MTA1: variants seen among roughly 807,000 people sequenced by gnomAD.
MTA1 encodes metastasis-associated protein MTA1.
MTA1 carries 15 observed loss-of-function variants against 97.0 expected under a neutral mutation model. That is an observed-to-expected ratio of 0.15 (90% CI 0.10 to 0.24). The LOEUF (loss-of-function observed/expected upper bound fraction) is 0.24, where lower values mean the gene tolerates loss of function less well. MTA1 is among the 10% of genes least tolerant of loss of function. The pLI is 1.00. For synonymous variants in MTA1, 435 were observed against 417.5 expected, an observed-to-expected ratio of 1.04 and a Z score of -0.51; for missense variants, 709 against 1,015.1, an observed-to-expected ratio of 0.70 and a Z score of 4.10.
intron 1 of MTA1, among the ~76,000 whole-genome samples, chr14:105,423,365 C>T (rs949991238): frequency 7.2e-5 from 11 of 151,974 alleles, no homozygotes; most frequent in African/African-American, 1.9e-4. Context: ...ACTAGCCAGG[C>T]GCCACCAGGC....
intron 13 of MTA1, 27 bp downstream of exon 13, chr14:105,464,174 C>T: frequency 1.3e-6 from 2 of 1,590,266 alleles, no homozygotes; most frequent in Non-Finnish European, 1.7e-6. Context: ...GCCGGGGGCA[C>T]ACCGCACGCC....
Position 105,423,727 on chromosome 14 carries a change from G to A in MTA1, c.28+3664G>A, listed in dbSNP as rs184887951. 2.9e-3 allele frequency among the ~76,000 whole-genome samples: 443 copies of A among 152,358 alleles called. 3 individuals are homozygous for A. Among genetic ancestry groups the A allele is most frequent in the African/African-American group, 0.01 (420 of 41,588 alleles). On this transcript the variant is annotated intron_variant, in intron 1 of 20. Transcript: ENST00000331320. ...GGGCTTGGCATGTGCCATCATCTGC[G>A]CTCTGGCGCGCTGTTAGAAATGTTG...
intron 7 of MTA1, chr14:105,454,701 G>GTA: frequency 6.2e-6 from 1 of 162,108 alleles, no homozygotes; most frequent in South Asian, 1.7e-4. Context: ...CCGCCTCCCA[G>GTA]GTTCAAGCGA....
chr14:105,449,496 G>A (rs1167208548), intron 4 of MTA1, 87 bp downstream of exon 4: 1 of 1,455,038 alleles, frequency 6.9e-7, no homozygotes, highest in African/African-American at 1.4e-5. Flanking sequence ...CAGAGTTTGG[G>A]CGGGCCGCCT....
intron 1 of MTA1, among the ~76,000 whole-genome samples, chr14:105,429,733 G>T (rs186454548): frequency 1.4e-5 from 2 of 144,240 alleles, no homozygotes; most frequent in Non-Finnish European, 3.0e-5. Flanking sequence ...GATTACAGAC[G>T]TGAGCCACTG....
intron 2 of MTA1, among the ~76,000 whole-genome samples, chr14:105,443,081 G>A (rs181374635): frequency 2.0e-5 from 3 of 152,362 alleles, no homozygotes; most frequent in Admixed American, 6.5e-5. Context: ...GTGATCAGAT[G>A]TGGATGTAAC....
chr14:105,423,188 C>T (rs1205376252), intron 1 of MTA1, among the ~76,000 whole-genome samples: 1 of 151,538 alleles, frequency 6.6e-6, no homozygotes, highest in African/African-American at 2.4e-5. Context: ...GAGGTTAACA[C>T]CCCATCTTTT....
In MTA1 at chr14:105,458,285, G is replaced by A. The variant is rs782763379; in HGVS notation, c.566G>A (p.Arg189Gln). The A allele has an allele frequency of 1.1e-5, 17 of 1,612,478 alleles. No homozygotes were observed. Among genetic ancestry groups the A allele is most frequent in the South Asian group, 9.9e-5 (9 of 91,090 alleles). Residue 189 changes from arginine (R) to glutamine (Q), a missense_variant, in exon 8 of 21, where the codon CGA becomes CAA. Physicochemically the swap from Arg to Gln is conservative, Grantham distance 43. Coordinates refer to ENST00000331320, the MANE Select transcript of MTA1 (RefSeq NM_004689.4). ...DLLKEGEEDGRDQSRLETQVW... is the reference protein window; with the variant it reads ...DLLKEGEEDGQDQSRLETQVW... The stretch of plus-strand genomic sequence containing the variant: ...CTCCCTGTAGGCGAGGAGGATGGCC[G>A]AGACCAGTCCAGGTTGGAGACCCAG...
intron 13 of MTA1, 41 bp from the exon 14 acceptor site, chr14:105,464,375 C>T (rs951359392): frequency 1.9e-6 from 3 of 1,605,146 alleles, no homozygotes; most frequent in Non-Finnish European, 2.6e-6. Context: ...ATCGCTGGTT[C>T]TGCTTAAGAA....
intron 1 of MTA1, among the ~76,000 whole-genome samples, chr14:105,428,321 C>CA (rs1327136270): frequency 6.6e-6 from 1 of 152,104 alleles, no homozygotes; most frequent in African/African-American, 2.4e-5. Context: ...GATAAGGTCT[C>CA]AGTCTGTCAC....
At chr14:105,462,065 C>T (rs1266404062) in intron 10 of MTA1, among the ~76,000 whole-genome samples, 1 of 152,248 alleles carries the variant, frequency 6.6e-6, no homozygotes, top group Non-Finnish European at 1.5e-5. Context: ...TGATGCCTAG[C>T]GAGGCAGCGC....
intron 16 of MTA1, 60 bp from the exon 17 acceptor site, chr14:105,466,366 C>T: frequency 6.7e-7 from 1 of 1,492,316 alleles, no homozygotes; most frequent in Non-Finnish European, 9.2e-7. Context: ...GAGCCTGGGC[C>T]TGCCTGCCCC....
chr14:105,432,139 C>T (rs1275122706), intron 1 of MTA1, among the ~76,000 whole-genome samples: 1 of 152,242 alleles, frequency 6.6e-6, no homozygotes, highest in Admixed American at 6.5e-5. Context: ...GTGTGAGCCC[C>T]TGTGCCTGGC....
chr14:105,422,326 CGGGGAGGT>C lies in MTA1; in HGVS notation c.28+2267_28+2274del, dbSNP rs1159716101. ...TTGGCTTCCTGTCTTGGTGCTCGCT[CGGGGAGGT>C]GGGCGTCTGGATTCTTGAGCCCCCA... On this transcript the variant is annotated intron_variant, in intron 1 of 20. Coordinates refer to ENST00000331320, the MANE Select transcript of MTA1 (RefSeq NM_004689.4). The surrounding 1 kb of genome is among the most constrained non-coding windows in gnomAD (Gnocchi z 4.3). Among the ~76,000 whole-genome samples the C allele has an allele frequency of 2.0e-5, 3 of 152,080 alleles. No homozygotes were observed. The highest frequency in any genetic ancestry group is 4.4e-5 in the Non-Finnish European group (3 of 68,006).
intron 16 of MTA1, chr14:105,466,056 C>T: frequency 4.1e-6 from 1 of 242,600 alleles, no homozygotes; most frequent in Non-Finnish European, 8.0e-6. Context: ...GAGCAGCCAG[C>T]CCTCCACCAG....
chr14:105,448,361 A>C (rs970817495), intron 3 of MTA1, among the ~76,000 whole-genome samples: 10 of 152,156 alleles, frequency 6.6e-5, no homozygotes, highest in African/African-American at 2.2e-4. Context: ...TGCACCACAG[A>C]GCCCTGTTCT....
intron 1 of MTA1, among the ~76,000 whole-genome samples, chr14:105,433,419 CCT>C (rs1310715776): frequency 2.0e-5 from 3 of 152,214 alleles, no homozygotes; most frequent in Non-Finnish European, 1.5e-5. Context: ...GTCAGGGTAG[CCT>C]CTCTGAGGTG....
rs868962808 is a variant in MTA1 at position 105,444,039 on chromosome 14, G to T, written c.97-1379G>T. Among the ~76,000 whole-genome samples, 6 of 151,568 alleles carry T rather than the reference G, an allele frequency of 4.0e-5. No homozygotes were observed. The South Asian group carries it at 1.2e-3, about 32-fold the overall frequency. On this transcript the variant is annotated intron_variant, in intron 2 of 20. Coordinates refer to ENST00000331320, the MANE Select transcript of MTA1 (RefSeq NM_004689.4). ...GGAGGTGGAGGTTGCAGTGAGCTGA[G>T]ATCGCACCACTGCCCTCCAGCCTGG...
intron 10 of MTA1, among the ~76,000 whole-genome samples, chr14:105,461,173 C>T (rs1479301356): frequency 1.3e-5 from 2 of 152,194 alleles, no homozygotes; most frequent in Non-Finnish European, 2.9e-5. Context: ...GCTGGTGGGG[C>T]CTGGGCATAG....
Sources: gnomAD v4.1 joint callset for allele counts (sites outside exome capture counted in the v4.1 genomes callset) on GRCh38, gnomAD v4.1.1 for gene constraint, Gnocchi (gnomAD v3.1) non-coding constraint, MANE v1.5 for transcripts, NCBI Gene and HGNC (gene_info 2026-07-23, HGNC 2026-07-21) for gene names.